CAMK1D: variants seen among roughly 807,000 people sequenced by gnomAD.
CAMK1D encodes the protein calcium/calmodulin dependent protein kinase ID, also known as calcium/calmodulin-dependent protein kinase type 1D.
A neutral mutation model predicts 47.7 loss-of-function variants in CAMK1D; 9 were observed. The ratio of observed to expected loss-of-function variants is 0.19; its 90% CI spans 0.11 to 0.33. The LOEUF is 0.33. CAMK1D is among the 10% of genes least tolerant of loss of function. CAMK1D has a pLI of 1.00. For missense variants in CAMK1D, 291 were observed against 488.7 expected (o/e 0.60, Z 3.81); for synonymous variants, 184 against 184.9 (o/e 0.99, Z 0.04).
chr10:12,828,843 C>G lies in CAMK1D; in HGVS notation c.1114C>G (p.Pro372Ala). The G allele has an allele frequency of 1.2e-6, 2 of 1,613,650 alleles. No homozygotes were observed. Among genetic ancestry groups the G allele is most frequent in the Non-Finnish European group, 1.7e-6 (2 of 1,179,908 alleles). The part of the protein sequence containing the change: ...GVSGVGAERR[P>A]RPTTVTAVHS... ...CTCAGGAGTTGGAGCCGAGCGGAGA[C>G]CCAGGCCCACCACTGTGACGGCAGT... Residue 372 changes from proline (P) to alanine (A), a missense_variant, in exon 11 of 11, where the codon CCC becomes GCC. This residue lies in a region of CAMK1D where 72 missense variants were observed against 64.4 expected (regional missense o/e 1.12). Transcript: ENST00000619168.
At chr10:12,456,140 C>G (rs1232089129) in intron 1 of CAMK1D, among the ~76,000 whole-genome samples, 1 of 152,112 alleles carries the variant, frequency 6.6e-6, no homozygotes, top group African/African-American at 2.4e-5. Context: ...TCATGAATTA[C>G]TAAAAACTCT....
At chr10:12,380,683 C>A (rs890378122) in intron 1 of CAMK1D, among the ~76,000 whole-genome samples, 2 of 152,136 alleles carry the variant, frequency 1.3e-5, no homozygotes, top group Non-Finnish European at 2.9e-5. Context: ...GGTGAAACCC[C>A]ATCTCTACTA....
At chr10:12,378,418 A>T (rs1490692897) in intron 1 of CAMK1D, among the ~76,000 whole-genome samples, 11 of 142,790 alleles carry the variant, frequency 7.7e-5, no homozygotes, top group East Asian at 6.1e-4. Flanking sequence ...GCAAACTTAA[A>T]TTTTTTTTTT....
chr10:12,783,531 C>A (rs1046852379), intron 5 of CAMK1D, among the ~76,000 whole-genome samples: 2 of 152,140 alleles, frequency 1.3e-5, no homozygotes, highest in Non-Finnish European at 2.9e-5. Context: ...CTTCTTGGCA[C>A]GTCCTTGGGG....
intron 1 of CAMK1D, among the ~76,000 whole-genome samples, chr10:12,524,474 G>A (rs540850400): frequency 6.6e-6 from 1 of 152,126 alleles, no homozygotes; most frequent in Non-Finnish European, 1.5e-5. Flanking sequence ...TTGGGAGGCT[G>A]AGGCGGGCGG....
intron 1 of CAMK1D, among the ~76,000 whole-genome samples, chr10:12,527,666 G>A (rs999545500): frequency 1.3e-5 from 2 of 152,102 alleles, no homozygotes; most frequent in Non-Finnish European, 2.9e-5. Flanking sequence ...GTGAGCCACC[G>A]CGCCCAGTTT....
intron 3 of CAMK1D, among the ~76,000 whole-genome samples, chr10:12,714,548 G>A (rs893581689): frequency 6.6e-6 from 1 of 151,994 alleles, no homozygotes; most frequent in Non-Finnish European, 1.5e-5. Flanking sequence ...ATGAAACCCT[G>A]TCTCACTAAA....
intron 1 of CAMK1D, among the ~76,000 whole-genome samples, chr10:12,511,775 A>G (rs4606389): frequency 5.3e-5 from 8 of 152,266 alleles, no homozygotes; most frequent in Admixed American, 5.2e-4. Flanking sequence ...TGGGCCGCCC[A>G]GAAGGATCGG....
At chr10:12,808,069 G>C (rs1238915542) in intron 6 of CAMK1D, among the ~76,000 whole-genome samples, 2 of 152,126 alleles carry the variant, frequency 1.3e-5, no homozygotes, top group African/African-American at 4.8e-5. Flanking sequence ...ATAAACTGCT[G>C]TTTTATGCCC....
chr10:12,632,200 C>G (rs1196842611), intron 2 of CAMK1D, among the ~76,000 whole-genome samples: 3 of 152,188 alleles, frequency 2.0e-5, no homozygotes, highest in Non-Finnish European at 4.4e-5. Context: ...CCAAATCTTT[C>G]TCTCCCATTT....
intron 1 of CAMK1D, among the ~76,000 whole-genome samples, chr10:12,548,231 A>G (rs1564404844): frequency 2.6e-5 from 4 of 152,154 alleles, no homozygotes; most frequent in Non-Finnish European, 1.5e-5. Context: ...ATACATGCCA[A>G]AGTCCTTTGT....
At chr10:12,528,463 AG>A (rs1198295808) in intron 1 of CAMK1D, among the ~76,000 whole-genome samples, 1 of 152,224 alleles carries the variant, frequency 6.6e-6, no homozygotes, top group African/African-American at 2.4e-5. Context: ...AGCATTCTAT[AG>A]TACAGACAAG....
chr10:12,729,789 G>A (rs907427082), intron 3 of CAMK1D, among the ~76,000 whole-genome samples: 2 of 152,172 alleles, frequency 1.3e-5, no homozygotes, highest in Admixed American at 1.3e-4. Context: ...AGCATTGCAG[G>A]CAGGGGGAAT....
At chr10:12,634,311 C>T (rs1319696548) in intron 2 of CAMK1D, among the ~76,000 whole-genome samples, 3 of 152,098 alleles carry the variant, frequency 2.0e-5, no homozygotes, top group Admixed American at 6.6e-5. Context: ...GAAAATAAAA[C>T]CAAAAAGCCC....
chr10:12,531,713 A>G (rs1318883193), intron 1 of CAMK1D, among the ~76,000 whole-genome samples: 1 of 152,222 alleles, frequency 6.6e-6, no homozygotes, highest in Admixed American at 6.5e-5. Flanking sequence ...ATAACTGAGG[A>G]ATAAGACTTA....
intron 1 of CAMK1D, among the ~76,000 whole-genome samples, chr10:12,364,237 C>CTTTT (rs35224750): frequency 3.1e-5 from 2 of 65,326 alleles, no homozygotes; most frequent in African/African-American, 5.6e-5. Flanking sequence ...TGCGCATTCT[C>CTTTT]TTTTTTTTTT....
intron 1 of CAMK1D, among the ~76,000 whole-genome samples, chr10:12,394,870 T>TCTGGAC (rs1838883263): frequency 1.3e-5 from 2 of 151,936 alleles, no homozygotes; most frequent in Non-Finnish European, 2.9e-5. Flanking sequence ...AGGGCTGTGA[T>TCTGGAC]CTGGACCTGG....
At chr10:12,820,677 C>T (rs1473461328) in intron 8 of CAMK1D, among the ~76,000 whole-genome samples, 3 of 152,216 alleles carry the variant, frequency 2.0e-5, no homozygotes, top group African/African-American at 7.2e-5. Flanking sequence ...TTCCTTAGCC[C>T]CCAAACAGAC....
rs748534276 is a variant in CAMK1D at position 12,615,564 on chromosome 10, ATC to A, written c.225-51171_225-51170del. On this transcript the variant is annotated intron_variant, in intron 2 of 10. Coordinates refer to ENST00000619168, the MANE Select transcript of CAMK1D (RefSeq NM_153498.4). ...TGTACATGTGTAGTTATGTGTGTATATCGTGTGTGTGCGTGTGTGTAGGTGTG... is the reference window on the plus strand; with the variant it reads ...TGTACATGTGTAGTTATGTGTGTATAGTGTGTGTGCGTGTGTGTAGGTGTG... Among the ~76,000 whole-genome samples the A allele has an allele frequency of 9.4e-5, 12 of 127,122 alleles. 1 individual carries two copies. Among genetic ancestry groups the A allele is most frequent in the Non-Finnish European group, 1.6e-4 (10 of 63,392 alleles). 83.4% of individuals were successfully genotyped at this position (127,122 alleles called of 152,430 possible).
Sources: gnomAD v4.1 joint callset for allele counts (sites outside exome capture counted in the v4.1 genomes callset) on GRCh38, gnomAD v4.1.1 for gene constraint, gnomAD v4.1.1 regional missense constraint, MANE v1.5 for transcripts, NCBI Gene and HGNC (gene_info 2026-07-23, HGNC 2026-07-21) for gene names.